The following CLSTN2 variants were observed in gnomAD, a reference collection of about 807,000 sequenced individuals.
The protein encoded by CLSTN2 is calsyntenin 2.
CLSTN2 carries 48 observed loss-of-function variants against 101.2 expected under a neutral mutation model. That is an observed-to-expected ratio of 0.47 (90% CI 0.38 to 0.60). The LOEUF (loss-of-function observed/expected upper bound fraction) is 0.60. Ranked by LOEUF, CLSTN2 falls within the 20% of genes least tolerant of loss-of-function variation. The pLI, the probability that CLSTN2 is intolerant of heterozygous loss-of-function variation, is 0.00. For synonymous variants in CLSTN2, 481 were observed against 463.6 expected (o/e 1.04, Z -0.48); for missense variants, 1,160 against 1,238.2 (o/e 0.94, Z 0.95).
At chr3:140,256,213 T>C (rs553979140) in intron 2 of CLSTN2, among the ~76,000 whole-genome samples, 146 of 152,278 alleles carry the variant, frequency 9.6e-4, no homozygotes, top group African/African-American at 3.3e-3. Context: ...TTCCTAAAGA[T>C]TGGGGCCCCT....
chr3:140,114,501 C>A (rs995934129), intron 1 of CLSTN2, among the ~76,000 whole-genome samples: 4 of 152,106 alleles, frequency 2.6e-5, no homozygotes, highest in Admixed American at 2.0e-4. Flanking sequence ...AATCACCTAG[C>A]CCAAGCTTCT....
intron 2 of CLSTN2, among the ~76,000 whole-genome samples, chr3:140,189,647 C>T (rs2010531910): frequency 6.6e-6 from 1 of 152,050 alleles, no homozygotes; most frequent in Non-Finnish European, 1.5e-5. Flanking sequence ...ATTCTAAGTA[C>T]TAATTCTTTG....
chr3:140,171,197 G>A (rs1345221267), intron 1 of CLSTN2, among the ~76,000 whole-genome samples: 1 of 152,048 alleles, frequency 6.6e-6, no homozygotes, highest in Non-Finnish European at 1.5e-5. Context: ...ATTTTTCCAG[G>A]GTCCATAATG....
At chr3:140,037,072 G>A (rs1449868025) in intron 1 of CLSTN2, among the ~76,000 whole-genome samples, 1 of 152,092 alleles carries the variant, frequency 6.6e-6, no homozygotes, top group Non-Finnish European at 1.5e-5. Flanking sequence ...TATGCACCAA[G>A]TTGGAATTAT....
chr3:140,264,382 ATATATATATATATATAT>A (rs2086677647), intron 2 of CLSTN2, among the ~76,000 whole-genome samples: 1 of 12,466 alleles, frequency 8.0e-5, no homozygotes, highest in Non-Finnish European at 1.9e-4. Flanking sequence ...TCAAATATAT[ATATATATATATATATAT>A]ATATATATAT....
chr3:140,493,411 G>A (rs1221529846), intron 8 of CLSTN2, among the ~76,000 whole-genome samples: 1 of 152,128 alleles, frequency 6.6e-6, no homozygotes, highest in Non-Finnish European at 1.5e-5. Context: ...GCAATATAGG[G>A]TCTCTTTGGA....
At chr3:140,484,281 G>A (rs1294855420) in intron 8 of CLSTN2, among the ~76,000 whole-genome samples, 5 of 152,142 alleles carry the variant, frequency 3.3e-5, no homozygotes, top group South Asian at 2.1e-4. Context: ...TAAGAATGTC[G>A]AATATTGGCC....
intron 8 of CLSTN2, among the ~76,000 whole-genome samples, chr3:140,490,147 CACACACACACACACAT>C (rs1934325694): frequency 3.2e-5 from 4 of 123,228 alleles, no homozygotes; most frequent in Non-Finnish European, 6.8e-5. Context: ...CACACACACA[CACACACACACACACAT>C]ATATACAGCC....
intron 1 of CLSTN2, among the ~76,000 whole-genome samples, chr3:140,133,667 A>G (rs2009557748): frequency 1.3e-5 from 2 of 152,186 alleles, no homozygotes; most frequent in South Asian, 4.1e-4. Flanking sequence ...AAGAGCATTC[A>G]CAGGTAGTGT....
At chr3:140,310,146 G>T (rs959807451) in intron 2 of CLSTN2, among the ~76,000 whole-genome samples, 2 of 152,006 alleles carry the variant, frequency 1.3e-5, no homozygotes, top group Non-Finnish European at 2.9e-5. Flanking sequence ...CACATCCCCC[G>T]GGTTACTACA....
chr3:140,405,374 TGC>T (rs1576550815), intron 4 of CLSTN2, among the ~76,000 whole-genome samples: 3 of 152,110 alleles, frequency 2.0e-5, no homozygotes, highest in African/African-American at 7.2e-5. Context: ...ATTACAAGCG[TGC>T]GCCACCATGC....
intron 2 of CLSTN2, among the ~76,000 whole-genome samples, chr3:140,188,319 G>T (rs986684728): frequency 1.3e-4 from 20 of 152,184 alleles, no homozygotes; most frequent in African/African-American, 4.6e-4. Context: ...TTATCCTTAT[G>T]TCCTAGCACA....
chr3:140,558,008 G>A (rs917833296), intron 11 of CLSTN2, among the ~76,000 whole-genome samples: 1 of 152,250 alleles, frequency 6.6e-6, no homozygotes, highest in Middle Eastern at 3.2e-3. Flanking sequence ...GTTCACAGGA[G>A]TCAAGTGCCT....
chr3:140,563,889 C>T, intron 15 of CLSTN2, 72 bp from the exon 16 acceptor site: 1 of 1,483,238 alleles, frequency 6.7e-7, no homozygotes, highest in East Asian at 2.3e-5. Context: ...ACGGATGTTT[C>T]ATTCATGCTC....
intron 1 of CLSTN2, among the ~76,000 whole-genome samples, chr3:140,020,140 C>A (rs185767778): frequency 6.6e-6 from 1 of 152,252 alleles, no homozygotes; most frequent in East Asian, 1.9e-4. Context: ...GAGTGCCTTG[C>A]CTGGCATGTT....
intron 1 of CLSTN2, among the ~76,000 whole-genome samples, chr3:140,039,045 T>C (rs1271689545): frequency 6.6e-6 from 1 of 152,214 alleles, no homozygotes; most frequent in Non-Finnish European, 1.5e-5. Flanking sequence ...ACTCATTGCC[T>C]TTCTTCTCTT....
rs1935929014 is a variant in CLSTN2, at chr3:140,562,175, C to T, written c.2079C>T (p.Asn693=). 4 of 1,613,980 alleles carry T rather than the reference C, an allele frequency of 2.5e-6. No individual in the cohort carries two copies. Among genetic ancestry groups the T allele is most frequent in the African/African-American group, 1.3e-5 (1 of 74,900 alleles). ...KSEVLEEMLH[N]LDFCDILVIG... is the part of the protein sequence containing the mutation. Reference sequence around the variant, plus strand: ...AAGTCTTAGAGGAAATGCTTCATAACTTAGATTTCTGTGACATTTTGGTGA... The same window carrying T: ...AAGTCTTAGAGGAAATGCTTCATAATTTAGATTTCTGTGACATTTTGGTGA... Residue 693 remains asparagine, a synonymous_variant, in exon 13 of 17, where the codon AAC becomes AAT. Coordinates refer to ENST00000458420, the MANE Select transcript of CLSTN2 (RefSeq NM_022131.3).
At chr3:140,515,855 T>G (rs1278205273) in intron 8 of CLSTN2, among the ~76,000 whole-genome samples, 2 of 152,272 alleles carry the variant, frequency 1.3e-5, no homozygotes, top group African/African-American at 4.8e-5. Flanking sequence ...TTAAGTCCAT[T>G]CATTCTAAGT....
At chr3:140,221,396 C>T (rs1407503863) in intron 2 of CLSTN2, among the ~76,000 whole-genome samples, 1 of 152,004 alleles carries the variant, frequency 6.6e-6, no homozygotes, top group East Asian at 1.9e-4. Flanking sequence ...ATTACACACA[C>T]CATATTACAT....
Sources: allele counts gnomAD v4.1 joint callset (sites outside exome capture counted in the v4.1 genomes callset), GRCh38; gene constraint gnomAD v4.1.1; transcripts MANE v1.5; gene names NCBI Gene and HGNC (gene_info 2026-07-23, HGNC 2026-07-21).